MAP1LC3B: variants seen among roughly 807,000 people sequenced by gnomAD.
The protein encoded by MAP1LC3B is microtubule-associated protein 1 light chain 3 beta.
Under a neutral mutation model 16.7 loss-of-function variants are expected in MAP1LC3B, and 12 were observed. The observed-to-expected ratio is 0.72, with a 90% confidence interval of 0.46 to 1.16. MAP1LC3B has a LOEUF of 1.16. Among genes scored for constraint, MAP1LC3B ranks in the 50% most tolerant of loss-of-function variants. The pLI is 0.00. For missense variants in MAP1LC3B, 155 were observed against 159.5 expected (o/e 0.97, Z 0.15); for synonymous variants, 63 against 56.5 (o/e 1.11, Z -0.51).
rs1372218161 is a variant in MAP1LC3B at position 87,403,582 on chromosome 16, C to T, written c.*485C>T. ...TAGGCCTGAGTTGTGAAGCGCAACC[C>T]CCGCAAAACGCATTTGCCATCACAG... On this transcript the variant is annotated 3_prime_UTR_variant, in exon 4 of 4. Transcript: ENST00000268607. 6.5e-6 allele frequency: 1 copy of T among 153,406 alleles called. No individual in the cohort carries two copies. The highest frequency in any genetic ancestry group is 2.4e-5 in the African/African-American group (1 of 41,414). The allele number at this position is 153,406 out of a possible 1,614,324, so 9.5% of individuals were successfully genotyped here.
intron 1 of MAP1LC3B, among the ~76,000 whole-genome samples, chr16:87,394,218 T>C (rs897302373): frequency 6.6e-6 from 1 of 152,152 alleles, no homozygotes; most frequent in Non-Finnish European, 1.5e-5. Flanking sequence ...ATAGTCACTT[T>C]GTAGAAATGT....
At chr16:87,400,873 C>T (rs150293739) in intron 2 of MAP1LC3B, among the ~76,000 whole-genome samples, 219 of 152,096 alleles carry the variant, frequency 1.4e-3, no homozygotes, top group African/African-American at 5.1e-3. Flanking sequence ...CGGTGGCTCA[C>T]GCCTGTATCC....
At chr16:87,397,451 A>G (rs1475593647) in intron 1 of MAP1LC3B, among the ~76,000 whole-genome samples, 1 of 152,062 alleles carries the variant, frequency 6.6e-6, no homozygotes, top group African/African-American at 2.4e-5. Context: ...ACCCGTCTCT[A>G]CTAAAAATAC....
intron 2 of MAP1LC3B, among the ~76,000 whole-genome samples, chr16:87,400,629 G>C (rs769862150): frequency 2.6e-5 from 4 of 151,780 alleles, no homozygotes; most frequent in Non-Finnish European, 4.4e-5. Context: ...CAACTAGACA[G>C]TCTCTAGTGT....
chr16:87,392,557 G>A (rs1168491085), intron 1 of MAP1LC3B, 90 bp downstream of exon 1: 4 of 1,150,816 alleles, frequency 3.5e-6, no homozygotes, highest in Non-Finnish European at 2.2e-6. Flanking sequence ...GAGGGGTCGG[G>A]GCCGAGCCGG....
chr16:87,394,878 T>C (rs541308190), intron 1 of MAP1LC3B, among the ~76,000 whole-genome samples: 4 of 150,394 alleles, frequency 2.7e-5, no homozygotes, highest in Non-Finnish European at 5.9e-5. Context: ...AAGACCAGCC[T>C]GGGCAACATA....
At chr16:87,398,679 T>C in intron 1 of MAP1LC3B, 136 bp from the exon 2 acceptor site, 2 of 754,064 alleles carry the variant, frequency 2.7e-6, no homozygotes, top group South Asian at 3.3e-5. Context: ...TTTGTTTCTT[T>C]AAGTCCTAGG....
At chr16:87,392,653 G>C (rs1162102579) in intron 1 of MAP1LC3B, 186 bp downstream of exon 1, 7 of 346,870 alleles carry the variant, frequency 2.0e-5, no homozygotes, top group Non-Finnish European at 3.0e-5. Flanking sequence ...GGCCGGGACC[G>C]AGCCGGGAGG....
intron 1 of MAP1LC3B, among the ~76,000 whole-genome samples, chr16:87,394,983 G>C (rs1186376508): frequency 7.6e-6 from 1 of 132,314 alleles, no homozygotes; most frequent in African/African-American, 2.8e-5. Context: ...GGCCTCAAGT[G>C]ATCCTCCCAC....
At chr16:87,395,338 TC>T (rs1907761140) in intron 1 of MAP1LC3B, among the ~76,000 whole-genome samples, 1 of 152,198 alleles carries the variant, frequency 6.6e-6, no homozygotes, top group Non-Finnish European at 1.5e-5. Flanking sequence ...GTTGATGAAC[TC>T]TCTTCTGTGT....
In MAP1LC3B at chr16:87,392,518, G is replaced by A. The variant is rs1183520289; in HGVS notation, c.40+51G>A. ...GTGCGGCGGGGCCGGGGTCCGAGCT[G>A]TGGAGGGCGGCAGGGCCTGGGACGC... On this transcript the variant is annotated intron_variant, in intron 1 of 3. Transcript: ENST00000268607. 15 of 1,266,274 alleles carry A rather than the reference G, an allele frequency of 1.2e-5. 1 individual carries two copies. The highest frequency in any genetic ancestry group is 3.3e-5 in the East Asian group (1 of 30,290). 78.4% of individuals were successfully genotyped at this position (1,266,274 alleles called of 1,614,324 possible). A position where few individuals can be genotyped will look rare whatever the true frequency, so the allele number is the denominator to read the frequency against.
At chr16:87,398,227 C>T (rs960033655) in intron 1 of MAP1LC3B, among the ~76,000 whole-genome samples, 1 of 152,010 alleles carries the variant, frequency 6.6e-6, no homozygotes. Context: ...AGGGTTTCAC[C>T]ATGTTGGCCA....
chr16:87,398,763 G>A (rs370040669), intron 1 of MAP1LC3B, 52 bp from the exon 2 acceptor site: 35 of 1,547,080 alleles, frequency 2.3e-5, no homozygotes, highest in Middle Eastern at 3.4e-4. Flanking sequence ...GCAGTGCTGG[G>A]AAGAAGCTGC....
chr16:87,393,656 A>G (rs1168378348), intron 1 of MAP1LC3B, among the ~76,000 whole-genome samples: 1 of 152,124 alleles, frequency 6.6e-6, no homozygotes, highest in African/African-American at 2.4e-5. Flanking sequence ...TTTTGTTAGT[A>G]GTTTTCTTGT....
At chr16:87,402,345 T>G (rs772268339) in intron 3 of MAP1LC3B, 64 bp downstream of exon 3, 16 of 1,453,198 alleles carry the variant, frequency 1.1e-5, no homozygotes, top group Non-Finnish European at 1.4e-5. Flanking sequence ...TTTATGAAAC[T>G]TACAGTTAAA....
chr16:87,392,691 C>T (rs1288704172), intron 1 of MAP1LC3B: 1 of 233,502 alleles, frequency 4.3e-6, no homozygotes. Context: ...GCCGGGGCGG[C>T]CTGCGGACCT....
At chr16:87,402,124 C>G (rs777155799) in intron 2 of MAP1LC3B, 51 bp from the exon 3 acceptor site, 1 of 1,599,472 alleles carries the variant, frequency 6.3e-7, no homozygotes, top group Non-Finnish European at 8.6e-7. Flanking sequence ...TGTGAGCCAC[C>G]GCGCCTGGCC....
intron 2 of MAP1LC3B, among the ~76,000 whole-genome samples, chr16:87,400,926 G>A (rs1035590830): frequency 1.3e-5 from 2 of 151,716 alleles, no homozygotes. Flanking sequence ...CGAAGTCAGG[G>A]GTTCGAGACC....
At chr16:87,398,158 G>T (rs1907870555) in intron 1 of MAP1LC3B, among the ~76,000 whole-genome samples, 1 of 152,112 alleles carries the variant, frequency 6.6e-6, no homozygotes, top group Non-Finnish European at 1.5e-5. Flanking sequence ...GAGTAGCTGG[G>T]ATTACAGGCA....
Sources: gnomAD v4.1 joint callset for allele counts (sites outside exome capture counted in the v4.1 genomes callset) on GRCh38, gnomAD v4.1.1 for gene constraint, MANE v1.5 for transcripts, NCBI Gene and HGNC (gene_info 2026-07-23, HGNC 2026-07-21) for gene names.